Variants in CTNND2 observed in about 807,000 individuals in gnomAD.
CTNND2 encodes catenin delta 2, also known as catenin delta-2.
A neutral mutation model predicts 144.4 loss-of-function variants in CTNND2; 22 were observed. The ratio of observed to expected loss-of-function variants is 0.15; its 90% CI spans 0.11 to 0.22. The LOEUF is 0.22. Ranked by LOEUF, CTNND2 falls within the 10% of genes least tolerant of loss-of-function variation. The pLI is 1.00. For missense variants in CTNND2, 1,353 were observed against 1,618.8 expected, an observed-to-expected ratio of 0.84 and a Z score of 2.82; for synonymous variants, 751 against 695.6, an observed-to-expected ratio of 1.08 and a Z score of -1.25.
At position 11,082,775 on chromosome 5, in the gene CTNND2, T is replaced by A. The variant is rs780926741; in HGVS notation, c.2709A>T (p.Ile903=). ...GLPILVELLR[I]DNDRVVCAVA... is the part of the protein sequence containing the mutation. ...CCGCGCACACCACACGGTCATTGTC[T>A]ATTCGGAGCAGCTCCACGAGGATGG... Residue 903 remains isoleucine, a synonymous_variant, in exon 16 of 22, where the codon ATA becomes ATT. Coordinates refer to ENST00000304623, the MANE Select transcript of CTNND2 (RefSeq NM_001332.4). 6.2e-7 allele frequency: 1 copy of A among 1,614,218 alleles called. No homozygotes were observed. Among genetic ancestry groups the A allele is most frequent in the Non-Finnish European group, 8.5e-7 (1 of 1,180,040 alleles).
intron 11 of CTNND2, among the ~76,000 whole-genome samples, chr5:11,165,845 T>A (rs1245436082): frequency 1.3e-5 from 2 of 152,206 alleles, no homozygotes; most frequent in African/African-American, 4.8e-5. Context: ...TTGTAGTTTC[T>A]TTTTACTGAA....
In CTNND2 at chr5:11,384,662, T is replaced by C; in HGVS notation, c.1177+3A>G. 1 of 1,597,834 alleles carries C rather than the reference T, an allele frequency of 6.3e-7. No individual in the cohort carries two copies. Among genetic ancestry groups the C allele is most frequent in the Non-Finnish European group, 8.5e-7 (1 of 1,176,952 alleles). On this transcript the variant is annotated splice_donor_region_variant and intron_variant, in intron 7 of 21. Coordinates refer to ENST00000304623, the MANE Select transcript of CTNND2 (RefSeq NM_001332.4). This position sits in a 1 kb window ranked among gnomAD's most constrained non-coding sequence, Gnocchi z 5.2. Reference sequence around the variant, plus strand: ...GTCGCGCCAGGTGGCAGCGAGCCTTTACCTGCCAGGCTGCCCGGCCTCTGG... The same window carrying C: ...GTCGCGCCAGGTGGCAGCGAGCCTTCACCTGCCAGGCTGCCCGGCCTCTGG...
At chr5:11,644,446 G>A (rs76892718) in intron 2 of CTNND2, among the ~76,000 whole-genome samples, 6,598 of 152,170 alleles carry the variant, frequency 0.043, 300 homozygotes, top group East Asian at 0.16. Flanking sequence ...AGGCCAAGAC[G>A]GGTGGATCAG....
At chr5:11,067,199 A>T (rs936160846) in intron 16 of CTNND2, among the ~76,000 whole-genome samples, 1 of 152,208 alleles carries the variant, frequency 6.6e-6, no homozygotes, top group Non-Finnish European at 1.5e-5. Flanking sequence ...GTATTGATAT[A>T]AGGTAGAGGA....
At position 10,988,051 on chromosome 5, in the gene CTNND2, T is replaced by C; in HGVS notation, c.3343+60A>G. On this transcript the variant is annotated intron_variant, in intron 20 of 21. Transcript: ENST00000304623. This position sits in a 1 kb window ranked among gnomAD's most constrained non-coding sequence, Gnocchi z 5.9. ...CCCGTGAAGCCTGATGTCCCATATC[T>C]CTGCCTTGTCGCGGGTCAAGCCACC... 1.1e-5 allele frequency: 17 copies of C among 1,607,568 alleles called. No homozygotes were observed. The highest frequency in any genetic ancestry group is 1.4e-5 in the Non-Finnish European group (17 of 1,176,638).
At chr5:11,584,880 T>C (rs1040476456) in intron 2 of CTNND2, among the ~76,000 whole-genome samples, 3 of 152,206 alleles carry the variant, frequency 2.0e-5, no homozygotes, top group African/African-American at 7.2e-5. Flanking sequence ...TCCAGGCCAC[T>C]GCATCATTTT....
intron 12 of CTNND2, among the ~76,000 whole-genome samples, chr5:11,153,027 G>C (rs548320679): frequency 6.6e-6 from 1 of 152,284 alleles, no homozygotes; most frequent in East Asian, 1.9e-4. Flanking sequence ...ACTTTGGGAG[G>C]TTGAGGCGGG....
chr5:11,772,211 T>C (rs767685955), intron 1 of CTNND2, among the ~76,000 whole-genome samples: 7 of 152,240 alleles, frequency 4.6e-5, no homozygotes, highest in African/African-American at 9.6e-5. Context: ...TTTCCTTTAT[T>C]ATTTCTGCTT....
At chr5:11,099,554 G>A (rs1751673734) in intron 14 of CTNND2, among the ~76,000 whole-genome samples, 1 of 152,128 alleles carries the variant, frequency 6.6e-6, no homozygotes, top group South Asian at 2.1e-4. Context: ...AGGATGCAAA[G>A]TAGTATGGGA....
intron 10 of CTNND2, among the ~76,000 whole-genome samples, chr5:11,220,939 T>C (rs1474575651): frequency 6.6e-6 from 1 of 152,198 alleles, no homozygotes; most frequent in Non-Finnish European, 1.5e-5. Context: ...TACAATTAAA[T>C]GCAAATAACA....
At chr5:11,649,928 G>A (rs1484240880) in intron 2 of CTNND2, among the ~76,000 whole-genome samples, 1 of 152,060 alleles carries the variant, frequency 6.6e-6, no homozygotes, top group Non-Finnish European at 1.5e-5. Context: ...CCAAGACACA[G>A]AGAGGTCCCT....
At chr5:11,718,973 G>T (rs1047359638) in intron 2 of CTNND2, among the ~76,000 whole-genome samples, 1 of 152,152 alleles carries the variant, frequency 6.6e-6, no homozygotes, top group Non-Finnish European at 1.5e-5. Flanking sequence ...TCATCAAGCT[G>T]ATATCAACTG....
chr5:11,524,017 T>C (rs992937752), intron 3 of CTNND2, among the ~76,000 whole-genome samples: 31 of 152,186 alleles, frequency 2.0e-4, no homozygotes, highest in African/African-American at 7.5e-4. Context: ...TCATAAATCA[T>C]CATGGGCAGA....
chr5:10,984,457 G>C (rs1484015499), intron 20 of CTNND2, among the ~76,000 whole-genome samples: 2 of 151,932 alleles, frequency 1.3e-5, no homozygotes, highest in African/African-American at 4.8e-5. Flanking sequence ...TTGCAGTCTT[G>C]GCCTCCCTCC....
chr5:11,770,820 G>C (rs1368834357), intron 1 of CTNND2, among the ~76,000 whole-genome samples: 1 of 152,122 alleles, frequency 6.6e-6, no homozygotes, highest in Non-Finnish European at 1.5e-5. Flanking sequence ...GTGTGAGAGA[G>C]AGACACAGAG....
intron 2 of CTNND2, among the ~76,000 whole-genome samples, chr5:11,684,979 G>A (rs763284618): frequency 2.2e-4 from 34 of 152,154 alleles, no homozygotes; most frequent in African/African-American, 2.9e-4. Context: ...AATCATTGCC[G>A]TGAAATCATT....
At chr5:11,356,625 A>G (rs184981301) in intron 8 of CTNND2, among the ~76,000 whole-genome samples, 122 of 152,184 alleles carry the variant, frequency 8.0e-4, no homozygotes, top group Non-Finnish European at 1.0e-3. Flanking sequence ...ATGCTTCACA[A>G]TATTGGGCTG....
chr5:11,611,971 T>C lies in CTNND2; in HGVS notation c.175-46915A>G, dbSNP rs564710500. Among the ~76,000 whole-genome samples, 3 of 152,264 alleles carry C rather than the reference T, an allele frequency of 2.0e-5. No homozygotes were observed. The East Asian group carries it at 5.8e-4, about 29-fold the overall frequency. On this transcript the variant is annotated intron_variant, in intron 2 of 21. Transcript: ENST00000304623. Reference sequence around the variant, plus strand: ...ATTTCATTTCTAGTTGTGTTCCTAATACAAATAAGTGATCAAGAAATATTT... The same window carrying C: ...ATTTCATTTCTAGTTGTGTTCCTAACACAAATAAGTGATCAAGAAATATTT...
intron 8 of CTNND2, among the ~76,000 whole-genome samples, chr5:11,361,671 G>A (rs1363258793): frequency 6.6e-6 from 1 of 152,214 alleles, no homozygotes. Context: ...CACCAAAGGG[G>A]ATTTCTCAGT....
Sources: allele counts gnomAD v4.1 joint callset (sites outside exome capture counted in the v4.1 genomes callset), GRCh38; gene constraint gnomAD v4.1.1; non-coding constraint Gnocchi (gnomAD v3.1); transcripts MANE v1.5; gene names NCBI Gene and HGNC (gene_info 2026-07-23, HGNC 2026-07-21).